Variants in GIMAP8 observed in about 807,000 individuals in gnomAD.
GIMAP8 encodes GTPase, IMAP family member 8, also known as GTPase IMAP family member 8.
A neutral mutation model predicts 35.6 loss-of-function variants in GIMAP8; 29 were observed. The observed-to-expected ratio is 0.81, with a 90% CI of 0.61 to 1.11. The LOEUF (loss-of-function observed/expected upper bound fraction) is 1.11, where lower values mean the gene tolerates loss of function less well. Ranked by LOEUF, GIMAP8 falls within the 50% of genes most tolerant of loss-of-function variation. GIMAP8 has a pLI of 0.00. For synonymous variants in GIMAP8, 335 were observed against 308.7 expected (o/e 1.09, Z -0.89); for missense variants, 811 against 805.0 (o/e 1.01, Z -0.09).
At position 150,467,732 on chromosome 7, in the gene GIMAP8, A is replaced by G. The variant is rs548011340; in HGVS notation, c.636+398A>G. On this transcript the variant is annotated intron_variant, in intron 2 of 4. Transcript: ENST00000307271. ...CTTCTCTAATCTCTGACGTCTAAAA[A>G]TGAACATCCTCAGGGCTTGGTTCTG... Among the ~76,000 whole-genome samples, 178 of 152,152 alleles carry G rather than the reference A, an allele frequency of 1.2e-3. 3 individuals carry two copies. Among genetic ancestry groups the G allele is most frequent in the Non-Finnish European group, 5.3e-4 (36 of 68,026 alleles).
At chr7:150,453,147 CAGAT>C (rs1018530389) in intron 1 of GIMAP8, among the ~76,000 whole-genome samples, 1 of 151,900 alleles carries the variant, frequency 6.6e-6, no homozygotes, top group Non-Finnish European at 1.5e-5. Flanking sequence ...TAAATAATAT[CAGAT>C]AGAATCAATG....
intron 1 of GIMAP8, among the ~76,000 whole-genome samples, chr7:150,461,720 T>C (rs1801849606): frequency 6.6e-6 from 1 of 152,266 alleles, no homozygotes; most frequent in African/African-American, 2.4e-5. Flanking sequence ...TTAAGGTTGT[T>C]ACTGATAGAT....
rs1410980248 is a variant in GIMAP8, at chr7:150,450,812, C to G, written c.-392C>G. ...CCTCTGCTGTCATTTCTCCTCCCTC[C>G]TCTCAGTCTGCAGCTGCGGGACGGG... On this transcript the variant is annotated 5_prime_UTR_variant, in exon 1 of 5. Coordinates refer to ENST00000307271, the MANE Select transcript of GIMAP8 (RefSeq NM_175571.4). This position sits in a 1 kb window ranked among gnomAD's most constrained non-coding sequence, Gnocchi z 4.4. 1 of 152,988 alleles carries G rather than the reference C, an allele frequency of 6.5e-6. No individual in the cohort carries two copies. Among genetic ancestry groups the G allele is most frequent in the African/African-American group, 2.4e-5 (1 of 41,466 alleles). 9.5% of individuals were successfully genotyped at this position (152,988 alleles called of 1,614,324 possible). A position where few individuals can be genotyped will look rare whatever the true frequency, so the allele number is the denominator to read the frequency against.
At position 150,458,072 on chromosome 7, in the gene GIMAP8, A is replaced by G. The variant is rs116388764; in HGVS notation, c.-29+6897A>G. ...TGTCTTGCTTAGATGTAAGGCACTG[A>G]GCACTTTAGCACCTTTCCCATGTGT... On this transcript the variant is annotated intron_variant, in intron 1 of 4. Coordinates refer to ENST00000307271, the MANE Select transcript of GIMAP8 (RefSeq NM_175571.4). Among the ~76,000 whole-genome samples the G allele has an allele frequency of 2.7e-3, 404 of 152,294 alleles. 2 individuals are homozygous for G. The highest frequency in any genetic ancestry group is 9.4e-3 in the African/African-American group (390 of 41,538).
intron 2 of GIMAP8, among the ~76,000 whole-genome samples, chr7:150,469,481 C>T (rs1418047441): frequency 6.6e-6 from 1 of 152,158 alleles, no homozygotes; most frequent in African/African-American, 2.4e-5. Context: ...GTTTTGTCTT[C>T]TGTAAAGCAG....
At chr7:150,453,740 C>G (rs535851993) in intron 1 of GIMAP8, among the ~76,000 whole-genome samples, 66 of 152,144 alleles carry the variant, frequency 4.3e-4, no homozygotes, top group African/African-American at 1.6e-3. Context: ...TGGTGGCAGA[C>G]TAAAAAGCAC....
At position 150,474,272 on chromosome 7, in the gene GIMAP8, G is replaced by A; in HGVS notation, c.943G>A (p.Glu315Lys). Residue 315 changes from glutamate to lysine, a missense_variant, in exon 4 of 5, where the codon GAA becomes AAA. By Grantham distance (56) the Glu-to-Lys change is moderately conservative. Transcript: ENST00000307271. ...DISSLKNIDSEVRKHICTGPH... is the reference protein window; with the variant it reads ...DISSLKNIDSKVRKHICTGPH... Reference sequence around the variant, plus strand: ...CTCATCTTTAAAGAACATTGACTCAGAAGTTAGAAAACACATCTGTACAGG... The same window carrying A: ...CTCATCTTTAAAGAACATTGACTCAAAAGTTAGAAAACACATCTGTACAGG... 1.2e-6 allele frequency: 2 copies of A among 1,614,138 alleles called. No homozygotes were observed. The highest frequency in any genetic ancestry group is 1.7e-6 in the Non-Finnish European group (2 of 1,179,994).
At chr7:150,473,965 T>C (rs1358274917) in intron 3 of GIMAP8, 47 bp from the exon 4 acceptor site, 1 of 1,557,930 alleles carries the variant, frequency 6.4e-7, no homozygotes, top group Non-Finnish European at 8.7e-7. Flanking sequence ...CCCACATCCA[T>C]ATTCAACTGC....
rs148200096 is a variant in GIMAP8, at chr7:150,477,452, C to G, written c.1670C>G (p.Thr557Arg). Residue 557 changes from threonine to arginine, a missense_variant, in exon 5 of 5, where the codon ACG (threonine) becomes AGG (arginine). Transcript: ENST00000307271. Reference sequence around the variant, plus strand: ...GAGGCCATCTTTGGAGCAGACTTTACGAAATACGCGATTATGCTGTTCACC... The same window carrying G: ...GAGGCCATCTTTGGAGCAGACTTTAGGAAATACGCGATTATGCTGTTCACC... ...KLEAIFGADF[T>R]KYAIMLFTRK... The G allele has an allele frequency of 1.2e-5, 20 of 1,613,538 alleles. No individual in the cohort carries two copies. Among genetic ancestry groups the G allele is most frequent in the Non-Finnish European group, 1.4e-5 (16 of 1,179,592 alleles).
chr7:150,464,772 A>C (rs558652411), intron 1 of GIMAP8, among the ~76,000 whole-genome samples: 1 of 152,376 alleles, frequency 6.6e-6, no homozygotes, highest in East Asian at 1.9e-4. Context: ...CCACAGATGG[A>C]GCCAGATTGT....
rs1802122805 is a variant in GIMAP8, at chr7:150,472,850, G to A, written c.683-1162G>A. On this transcript the variant is annotated intron_variant, in intron 3 of 4. Coordinates refer to ENST00000307271, the MANE Select transcript of GIMAP8 (RefSeq NM_175571.4). This position sits in a 1 kb window ranked among gnomAD's most constrained non-coding sequence, Gnocchi z 4.1. ...TGAAGTCTGTAAAGGAGAGTAGGGG[G>A]GAGTGTGAGGGAGGGAGGGGCACTT... is the stretch of plus-strand genomic sequence containing the variant. 6.6e-6 allele frequency among the ~76,000 whole-genome samples: 1 copy of A among 152,126 alleles called. No individual in the cohort carries two copies. Among genetic ancestry groups the A allele is most frequent in the African/African-American group, 2.4e-5 (1 of 41,424 alleles).
intron 3 of GIMAP8, 25 bp downstream of exon 3, chr7:150,470,899 A>G: frequency 6.6e-7 from 1 of 1,520,952 alleles, no homozygotes; most frequent in South Asian, 1.1e-5. Context: ...AAGAAACATT[A>G]AGCTCACACT....
At chr7:150,467,809 G>A (rs997299611) in intron 2 of GIMAP8, among the ~76,000 whole-genome samples, 3 of 152,042 alleles carry the variant, frequency 2.0e-5, no homozygotes, top group Non-Finnish European at 2.9e-5. Flanking sequence ...CACTTTTATG[G>A]CATTGAGCTT....
chr7:150,453,045 T>C (rs1410613207), intron 1 of GIMAP8, among the ~76,000 whole-genome samples: 2 of 152,020 alleles, frequency 1.3e-5, no homozygotes, highest in African/African-American at 4.8e-5. Flanking sequence ...TGTTTGGAGT[T>C]TCAGCACATG....
In GIMAP8 at chr7:150,452,675, G is replaced by GATATATATATATATAT. The variant is rs373374121; in HGVS notation, c.-29+1520_-29+1535dup. On this transcript the variant is annotated intron_variant, in intron 1 of 4. Transcript: ENST00000307271. ...TATATGTGTGTGTGTGTGTGTGTGA[G>GATATATATATATATAT]ATATATATATATATATATATATATA... Among the ~76,000 whole-genome samples, 228 of 79,628 alleles carry GATATATATATATATAT rather than the reference G, an allele frequency of 2.9e-3. 6 individuals carry two copies. Among genetic ancestry groups the GATATATATATATATAT allele is most frequent in the African/African-American group, 3.7e-3 (70 of 18,832 alleles). 52.2% of individuals were successfully genotyped at this position (79,628 alleles called of 152,430 possible).
chr7:150,455,814 C>T (rs1178552045), intron 1 of GIMAP8, among the ~76,000 whole-genome samples: 1 of 152,184 alleles, frequency 6.6e-6, no homozygotes, highest in East Asian at 1.9e-4. Context: ...GATTAACAAG[C>T]TCTTAAATCA....
chr7:150,464,342 T>C (rs2116599931), intron 1 of GIMAP8, among the ~76,000 whole-genome samples: 2 of 152,334 alleles, frequency 1.3e-5, no homozygotes, highest in Middle Eastern at 6.8e-3. Context: ...GAAAATATAT[T>C]TTACAAGAGA....
chr7:150,463,189 CT>C lies in GIMAP8; in HGVS notation c.-28-3474del, dbSNP rs34665173. Among the ~76,000 whole-genome samples, 259 of 151,526 alleles carry C rather than the reference CT, an allele frequency of 1.7e-3. 2 individuals are homozygous for C. Among genetic ancestry groups the C allele is most frequent in the African/African-American group, 5.9e-3 (244 of 41,324 alleles). The stretch of plus-strand genomic sequence containing the variant: ...CAGGTCCAGGATTTCCATTTGGTTC[CT>C]TTTTTTTATAATATCTATCTCTTTA... On this transcript the variant is annotated intron_variant, in intron 1 of 4. Coordinates refer to ENST00000307271, the MANE Select transcript of GIMAP8 (RefSeq NM_175571.4).
rs765889995 is a variant in GIMAP8, at chr7:150,470,839, A to G, written c.647A>G (p.Asn216Ser). Reference sequence around the variant, plus strand: ...TCCTTTATTTTCTAGGATTGTGTGAATGAAGCTGCATCTCAAGAGGGAGAC... The same window carrying G: ...TCCTTTATTTTCTAGGATTGTGTGAGTGAAGCTGCATCTCAAGAGGGAGAC... ...TEGSRFQDCV[N>S]EAASQEGDKP... is the part of the protein sequence containing the mutation. Residue 216 changes from asparagine (N) to serine (S), a missense_variant, in exon 3 of 5, where the codon AAT (asparagine) becomes AGT (serine). Physicochemically the swap from Asn to Ser is conservative, Grantham distance 46 (BLOSUM62 1). Coordinates refer to ENST00000307271, the MANE Select transcript of GIMAP8 (RefSeq NM_175571.4). 8.1e-6 allele frequency: 13 copies of G among 1,598,676 alleles called. No homozygotes were observed. In the East Asian group the frequency reaches 2.9e-4, roughly 36 times the overall value.
Sources: gnomAD v4.1 joint callset for allele counts (sites outside exome capture counted in the v4.1 genomes callset) on GRCh38, gnomAD v4.1.1 for gene constraint, Gnocchi (gnomAD v3.1) non-coding constraint, MANE v1.5 for transcripts, NCBI Gene and HGNC (gene_info 2026-07-23, HGNC 2026-07-21) for gene names.